Variants in ACSL5 observed in about 807,000 individuals in gnomAD.
ACSL5 encodes the protein long-chain-fatty-acid--CoA ligase 5.
A neutral mutation model predicts 84.9 loss-of-function variants in ACSL5; 50 were observed. The observed-to-expected ratio is 0.59, with a 90% CI of 0.47 to 0.75. The LOEUF is 0.75. Ranked by LOEUF, ACSL5 falls within the 30% of genes least tolerant of loss-of-function variation. The pLI, the probability that ACSL5 is intolerant of heterozygous loss-of-function variation, is 0.00. For missense variants in ACSL5, 775 were observed against 830.4 expected (o/e 0.93, Z 0.82); for synonymous variants, 280 against 300.7 (o/e 0.93, Z 0.71).
chr10:112,412,201 C>T (rs951815974), intron 11 of ACSL5: 6 of 523,366 alleles, frequency 1.1e-5, no homozygotes, highest in African/African-American at 7.6e-5. Context: ...ATAGTACTTG[C>T]TCCTGCCTTC....
intron 7 of ACSL5, 112 bp downstream of exon 7, chr10:112,409,797 AG>A: frequency 9.6e-7 from 1 of 1,042,076 alleles, no homozygotes; most frequent in African/African-American, 1.6e-5. Flanking sequence ...GTGGCACGTG[AG>A]GAGTAGATTA....
intron 3 of ACSL5, among the ~76,000 whole-genome samples, chr10:112,400,824 C>T (rs1025098089): frequency 6.6e-6 from 1 of 152,148 alleles, no homozygotes; most frequent in Non-Finnish European, 1.5e-5. Flanking sequence ...TCCCAAAGTA[C>T]TGGGATTACA....
rs773700434 is a variant in ACSL5 at position 112,427,316 on chromosome 10, T to C, written c.2010T>C (p.Phe670=). The change falls in exon 21 of 21, where the codon TTT becomes TTC. Residue 670 remains phenylalanine (F), a synonymous_variant. Coordinates refer to ENST00000354655, the MANE Select transcript of ACSL5 (RefSeq NM_203379.2). The stretch of plus-strand genomic sequence containing the variant: ...AGCGAGGAGAGCTTTCCAAATACTT[T>C]CGGACCCAAATTGACAGCCTGTATG... ...KAKRGELSKY[F]RTQIDSLYEH... 1.2e-6 allele frequency: 2 copies of C among 1,613,710 alleles called. No individual in the cohort carries two copies. Among genetic ancestry groups the C allele is most frequent in the South Asian group, 2.2e-5 (2 of 91,006 alleles).
intron 5 of ACSL5, among the ~76,000 whole-genome samples, chr10:112,405,163 A>G (rs1388832548): frequency 6.6e-6 from 1 of 152,172 alleles, no homozygotes; most frequent in African/African-American, 2.4e-5. Context: ...TGAAACTTGC[A>G]ATTTGTAATT....
At chr10:112,381,580 A>T (rs1849350829) in intron 1 of ACSL5, among the ~76,000 whole-genome samples, 1 of 151,504 alleles carries the variant, frequency 6.6e-6, no homozygotes. Context: ...AGGCAGGAGA[A>T]TCGCTTGAGC....
intron 1 of ACSL5, 196 bp from the exon 2 acceptor site, chr10:112,394,722 T>A: frequency 1.0e-6 from 1 of 984,040 alleles, no homozygotes; most frequent in Non-Finnish European, 1.2e-6. Context: ...ATGTGTTCTA[T>A]TATTTTCAAC....
At chr10:112,394,818 GTGTA>G (rs1396414004) in intron 1 of ACSL5, 96 bp from the exon 2 acceptor site, 57 of 1,530,094 alleles carry the variant, frequency 3.7e-5, no homozygotes, top group Non-Finnish European at 4.8e-5. Context: ...GCGTGTGTGT[GTGTA>G]TGTGTGTGTG....
chr10:112,423,978 CA>C (rs895130996), intron 17 of ACSL5, among the ~76,000 whole-genome samples: 2 of 152,112 alleles, frequency 1.3e-5, no homozygotes, highest in African/African-American at 2.4e-5. Flanking sequence ...CAAAACAAAA[CA>C]AAAACCCAAA....
intron 3 of ACSL5, among the ~76,000 whole-genome samples, chr10:112,403,759 C>T (rs746349806): frequency 1.3e-5 from 2 of 152,122 alleles, no homozygotes; most frequent in South Asian, 2.1e-4. Context: ...TTTAGGGGCT[C>T]TATTCTAAGG....
Position 112,413,176 on chromosome 10 carries a change from G to C in ACSL5, c.952G>C (p.Val318Leu), listed in dbSNP as rs148141030. 6.2e-7 allele frequency: 1 copy of C among 1,613,962 alleles called. No individual in the cohort carries two copies. Residue 318 changes from valine to leucine, a missense_variant, in exon 12 of 21, where the codon GTT (valine) becomes CTT (leucine). Coordinates refer to ENST00000354655, the MANE Select transcript of ACSL5 (RefSeq NM_203379.2). ...TATAATTTGGTTTTGTTTTCAGGCT[G>C]TTGTGTACAGCTGTGGAGCCAGAGT... The part of the protein sequence containing the change: ...AHMFERIVQA[V>L]VYSCGARVGF...
chr10:112,428,170 G>T lies in ACSL5; in HGVS notation c.*812G>T, dbSNP rs1187110825. The T allele has an allele frequency of 3.0e-6, 1 of 336,480 alleles. No individual in the cohort carries two copies. The highest frequency in any genetic ancestry group is 5.3e-6 in the Non-Finnish European group (1 of 187,186). 20.8% of individuals were successfully genotyped at this position (336,480 alleles called of 1,614,324 possible). A position where few individuals can be genotyped will look rare whatever the true frequency, so the allele number is the denominator to read the frequency against. ...GGCCCAGTGAACTTTTCCAGTAAAT[G>T]AAGCAAGCACTGAATAAAAACCTCC... On this transcript the variant is annotated 3_prime_UTR_variant, in exon 21 of 21. Coordinates refer to ENST00000354655, the MANE Select transcript of ACSL5 (RefSeq NM_203379.2).
chr10:112,383,920 C>T lies in ACSL5; in HGVS notation c.-30+9651C>T, dbSNP rs373600103. On this transcript the variant is annotated intron_variant, in intron 1 of 20. Transcript: ENST00000354655. Reference sequence around the variant, plus strand: ...CTAATTAAAACTCATCCACCAGGCGCGGTGGTTCATGCCTGTAATCCCAGC... The same window carrying T: ...CTAATTAAAACTCATCCACCAGGCGTGGTGGTTCATGCCTGTAATCCCAGC... Among the ~76,000 whole-genome samples, 198 of 152,154 alleles carry T rather than the reference C, an allele frequency of 1.3e-3. 1 individual carries two copies. The highest frequency in any genetic ancestry group is 4.5e-3 in the African/African-American group (187 of 41,520).
intron 2 of ACSL5, among the ~76,000 whole-genome samples, 161 bp downstream of exon 2, chr10:112,395,263 C>T (rs1191026298): frequency 6.6e-6 from 1 of 152,206 alleles, no homozygotes; most frequent in East Asian, 1.9e-4. Flanking sequence ...ACTTCTATTA[C>T]TGGCACATTT....
rs1844151930 is a variant in ACSL5, at chr10:112,410,452, C to G, written c.712-11C>G. 1 of 1,613,958 alleles carries G rather than the reference C, an allele frequency of 6.2e-7. No individual in the cohort carries two copies. Among genetic ancestry groups the G allele is most frequent in the Admixed American group, 1.7e-5 (1 of 59,982 alleles). On this transcript the variant is annotated splice_polypyrimidine_tract_variant and intron_variant, in intron 7 of 20. Coordinates refer to ENST00000354655, the MANE Select transcript of ACSL5 (RefSeq NM_203379.2). The stretch of plus-strand genomic sequence containing the variant: ...CTAATGTCTTTCTTTCTTGGTTTTC[C>G]ATTCACATAGAACCTAGGCAAAGAG...
intron 3 of ACSL5, among the ~76,000 whole-genome samples, chr10:112,400,488 C>T (rs12768201): frequency 1.2e-3 from 168 of 143,542 alleles, no homozygotes; most frequent in African/African-American, 4.3e-3. Context: ...TGGCTCACGG[C>T]AACCTCTGCC....
intron 14 of ACSL5, among the ~76,000 whole-genome samples, chr10:112,420,422 G>A (rs1200488235): frequency 6.6e-6 from 1 of 152,144 alleles, no homozygotes; most frequent in Non-Finnish European, 1.5e-5. Flanking sequence ...ATTTATATAT[G>A]GACTGTGGCT....
intron 1 of ACSL5, among the ~76,000 whole-genome samples, chr10:112,378,306 G>A (rs186472946): frequency 8.1e-6 from 1 of 122,808 alleles, no homozygotes; most frequent in East Asian, 2.8e-4. Context: ...GAGTGCAGTG[G>A]CAACATCTTG....
chr10:112,392,183 C>A (rs931097566), intron 1 of ACSL5, among the ~76,000 whole-genome samples: 6 of 152,200 alleles, frequency 3.9e-5, no homozygotes, highest in African/African-American at 1.2e-4. Flanking sequence ...AAAATATCAC[C>A]AGCTTGGGGT....
intron 6 of ACSL5, chr10:112,408,946 C>T (rs1307231771): frequency 6.0e-6 from 1 of 165,360 alleles, no homozygotes; most frequent in Non-Finnish European, 1.3e-5. Context: ...AAATAATTGT[C>T]GTTGTTAGAG....
Sources: gnomAD v4.1 joint callset for allele counts (sites outside exome capture counted in the v4.1 genomes callset) on GRCh38, gnomAD v4.1.1 for gene constraint, MANE v1.5 for transcripts, NCBI Gene and HGNC (gene_info 2026-07-23, HGNC 2026-07-21) for gene names.